TARS2: variants seen among roughly 807,000 people sequenced by gnomAD.
TARS2 encodes threonine--tRNA ligase, mitochondrial.
A neutral mutation model predicts 94.4 loss-of-function variants in TARS2; 61 were observed. That is an observed-to-expected ratio of 0.65 (90% confidence interval 0.53 to 0.80). The LOEUF is 0.80. Ranked by LOEUF, TARS2 falls within the 30% of genes least tolerant of loss-of-function variation. The probability of loss-of-function intolerance (pLI) is 0.00; values close to 1 mark genes in which losing one functional copy is unlikely to be tolerated. For synonymous variants in TARS2, 359 were observed against 353.4 expected (o/e 1.02, Z -0.18); for missense variants, 704 against 902.5 (o/e 0.78, Z 2.82).
Position 150,496,493 on chromosome 1 carries a change from C to G in TARS2, c.786C>G (p.Ser262=). 1 of 1,613,434 alleles carries G rather than the reference C, an allele frequency of 6.2e-7. No homozygotes were observed. Among genetic ancestry groups the G allele is most frequent in the Non-Finnish European group, 8.5e-7 (1 of 1,179,618 alleles). ...ATGTCCTCACACAGAACTCATCATC[C>G]TTATGGAGGTCTTCAGGGGCCCCAG... ...GGLKLLSNSS[S]LWRSSGAPET... Residue 262 remains serine, a synonymous_variant, in exon 8 of 18, where the codon TCC becomes TCG. Transcript: ENST00000369064.
intron 16 of TARS2, 85 bp from the exon 17 acceptor site, chr1:150,505,506 G>A (rs1043745517): frequency 8.5e-7 from 1 of 1,174,688 alleles, no homozygotes; most frequent in Non-Finnish European, 1.3e-6. Flanking sequence ...AACAGATGGG[G>A]GCATTGAGGG....
intron 6 of TARS2, chr1:150,492,070 ATTC>A (rs983474538): frequency 5.7e-5 from 16 of 281,420 alleles, no homozygotes; most frequent in Non-Finnish European, 9.5e-5. Context: ...GGTTCAAACA[ATTC>A]TTCTGCCTCA....
Position 150,496,981 on chromosome 1 carries a change from T to C in TARS2, c.1020+73T>C, listed in dbSNP as rs199582623. ...GGACTAGAAGAAGCTAAGGTGTTTG[T>C]GTTAAAAGATGGGGGTTGGGGCCGG... On this transcript the variant is annotated intron_variant, in intron 9 of 17. Coordinates refer to ENST00000369064, the MANE Select transcript of TARS2 (RefSeq NM_025150.5). 57 of 1,450,956 alleles carry C rather than the reference T, an allele frequency of 3.9e-5. 1 individual carries two copies. The highest frequency in any genetic ancestry group is 5.1e-5 in the Non-Finnish European group (53 of 1,045,954). The allele number at this position is 1,450,956 out of a possible 1,614,324, so 89.9% of individuals were successfully genotyped here. A position where few individuals can be genotyped will look rare whatever the true frequency, so the allele number is the denominator to read the frequency against.
In TARS2 at chr1:150,507,082, A is replaced by C; in HGVS notation, c.*18A>C. The C allele has an allele frequency of 6.2e-7, 1 of 1,613,314 alleles. No individual in the cohort carries two copies. The highest frequency in any genetic ancestry group is 8.5e-7 in the Non-Finnish European group (1 of 1,179,558). On this transcript the variant is annotated 3_prime_UTR_variant, in exon 18 of 18. Coordinates refer to ENST00000369064, the MANE Select transcript of TARS2 (RefSeq NM_025150.5). ...TTTTCTGAGCCTTTGTACATAGATG[A>C]GGCAAAAACCTGCGAGTGCCATCAG...
chr1:150,498,164 CT>C (rs1669756272), intron 10 of TARS2, among the ~76,000 whole-genome samples: 1 of 152,064 alleles, frequency 6.6e-6, no homozygotes, highest in Non-Finnish European at 1.5e-5. Context: ...AGTCTTCCCC[CT>C]AGCTAACCAT....
At chr1:150,498,262 T>A (rs1310933816) in intron 10 of TARS2, among the ~76,000 whole-genome samples, 1 of 152,168 alleles carries the variant, frequency 6.6e-6, no homozygotes, top group African/African-American at 2.4e-5. Flanking sequence ...TCAGTGACCA[T>A]CACAGAACAG....
chr1:150,507,053 G>T lies in TARS2; in HGVS notation c.2146G>T (p.Glu716Ter). 6.2e-7 allele frequency: 1 copy of T among 1,614,144 alleles called. No homozygotes were observed. The highest frequency in any genetic ancestry group is 8.5e-7 in the Non-Finnish European group (1 of 1,180,034). Residue 716 changes from glutamate to a stop codon, truncating the protein, a stop_gained, in exon 18 of 18, where the codon GAA (glutamate) becomes TAA (stop). Coordinates refer to ENST00000369064, the MANE Select transcript of TARS2 (RefSeq NM_025150.5). LOFTEE classifies it high-confidence loss of function. ...GAACACGAGGGTCCCAAATGCCGAAGAAATTTTCTGAGCCTTTGTACATAG... is the reference window on the plus strand; with the variant it reads ...GAACACGAGGGTCCCAAATGCCGAATAAATTTTCTGAGCCTTTGTACATAG... The part of the protein sequence containing the change: ...LQNTRVPNAE[E>*]IF
intron 2 of TARS2, chr1:150,488,474 C>CTCTTCT: frequency 3.4e-5 from 6 of 175,392 alleles, no homozygotes; most frequent in South Asian, 1.4e-4. Context: ...GCAACTTTCT[C>CTCTTCT]CCCACTGTGG....
At chr1:150,495,655 A>G (rs1669630568) in intron 7 of TARS2, among the ~76,000 whole-genome samples, 1 of 151,028 alleles carries the variant, frequency 6.6e-6, no homozygotes, top group Admixed American at 6.6e-5. Context: ...CAGCCCCCCA[A>G]AGTGCTGGGA....
intron 13 of TARS2, among the ~76,000 whole-genome samples, chr1:150,503,323 T>C (rs1355276701): frequency 6.6e-6 from 1 of 151,744 alleles, no homozygotes; most frequent in Non-Finnish European, 1.5e-5. Context: ...GAAACAAAGG[T>C]GGGAGGGGCC....
At chr1:150,489,244 T>C (rs756587633) in intron 3 of TARS2, 157 bp downstream of exon 3, 2 of 1,131,686 alleles carry the variant, frequency 1.8e-6, no homozygotes, top group East Asian at 5.1e-5. Context: ...TTAGGAAACT[T>C]ATGGTGAAAG....
chr1:150,488,346 T>G, intron 2 of TARS2: 1 of 292,040 alleles, frequency 3.4e-6, no homozygotes, highest in Non-Finnish European at 6.5e-6. Context: ...GAGATTTGTT[T>G]TATCTGTATT....
At position 150,490,644 on chromosome 1, in the gene TARS2, A is replaced by G; in HGVS notation, c.431A>G (p.Glu144Gly). Reference protein sequence around the residue: ...SSTHVLGAAAEQFLGAVLCRG... With the variant: ...SSTHVLGAAAGQFLGAVLCRG... ...ACCCATGTCCTGGGGGCAGCAGCTGAACAATTCCTAGGTGCTGTTCTCTGC... is the reference window on the plus strand; with the variant it reads ...ACCCATGTCCTGGGGGCAGCAGCTGGACAATTCCTAGGTGCTGTTCTCTGC... Residue 144 changes from glutamate (E) to glycine (G), a missense_variant, in exon 4 of 18, where the codon GAA (glutamate) becomes GGA (glycine). This residue lies in a region of TARS2 where 208 missense variants were observed against 228.5 expected (regional missense o/e 0.91). Transcript: ENST00000369064. 1 of 1,614,010 alleles carries G rather than the reference A, an allele frequency of 6.2e-7. No homozygotes were observed. The highest frequency in any genetic ancestry group is 8.5e-7 in the Non-Finnish European group (1 of 1,180,012).
At chr1:150,501,806 A>G (rs1669933952) in intron 13 of TARS2, among the ~76,000 whole-genome samples, 1 of 152,060 alleles carries the variant, frequency 6.6e-6, no homozygotes. Flanking sequence ...AACAGAACAA[A>G]ACCCTGTCTC....
At chr1:150,504,254 G>A in intron 13 of TARS2, 81 bp from the exon 14 acceptor site, 1 of 1,367,574 alleles carries the variant, frequency 7.3e-7, no homozygotes, top group Non-Finnish European at 1.0e-6. Flanking sequence ...GTTAAAGGGT[G>A]GGATGGCACA....
intron 9 of TARS2, 56 bp downstream of exon 9, chr1:150,496,964 A>G (rs1669692080): frequency 1.9e-6 from 3 of 1,551,066 alleles, no homozygotes; most frequent in South Asian, 2.3e-5. Flanking sequence ...AGGGACTAGA[A>G]GAAGCTAAGG....
chr1:150,506,803 C>T (rs1570876810), intron 17 of TARS2, 113 bp from the exon 18 acceptor site: 4 of 1,398,282 alleles, frequency 2.9e-6, no homozygotes, highest in Admixed American at 3.9e-5. Context: ...CATATCTGGG[C>T]TCTGCTCCCA....
At chr1:150,503,563 GTGTGTGTGTGTGTGTATATATA>G (rs1190962524) in intron 13 of TARS2, among the ~76,000 whole-genome samples, 2 of 101,004 alleles carry the variant, frequency 2.0e-5, no homozygotes, top group African/African-American at 3.8e-5. Context: ...GTGTGTGTGT[GTGTGTGTGTGTGTGTATATATA>G]TGTGTGTGTG....
intron 7 of TARS2, among the ~76,000 whole-genome samples, chr1:150,492,810 A>C (rs113907888): frequency 1.0e-5 from 1 of 97,666 alleles, no homozygotes; most frequent in Non-Finnish European, 2.2e-5. Context: ...AGTCCATCTC[A>C]AAAAAAAAAA....
Sources: gnomAD v4.1 joint callset for allele counts (sites outside exome capture counted in the v4.1 genomes callset) on GRCh38, gnomAD v4.1.1 for gene constraint, gnomAD v4.1.1 regional missense constraint, MANE v1.5 for transcripts, NCBI Gene and HGNC (gene_info 2026-07-23, HGNC 2026-07-21) for gene names.